Variants in DLG2 observed in about 807,000 individuals in gnomAD.
The protein encoded by DLG2 is discs large MAGUK scaffold protein 2.
DLG2 carries 45 observed loss-of-function variants against 132.5 expected under a neutral mutation model. That is an observed-to-expected ratio of 0.34 (90% CI 0.27 to 0.44). The LOEUF (loss-of-function observed/expected upper bound fraction) is 0.44, where lower values mean the gene tolerates loss of function less well. Among genes scored for constraint, DLG2 ranks in the 20% least tolerant of loss-of-function variants. The probability of loss-of-function intolerance (pLI) is 1.00; values close to 1 mark genes in which losing one functional copy is unlikely to be tolerated. For missense variants in DLG2, 1,045 were observed against 1,196.9 expected (o/e 0.87, Z 1.87); for synonymous variants, 424 against 419.6 (o/e 1.01, Z -0.13).
At chr11:83,542,573 G>A (rs1419816841) in intron 19 of DLG2, among the ~76,000 whole-genome samples, 1 of 152,294 alleles carries the variant, frequency 6.6e-6, no homozygotes, top group East Asian at 1.9e-4. Flanking sequence ...GCACTTATCT[G>A]TGAATTACAA....
At chr11:85,156,796 T>G (rs2077619771) in intron 4 of DLG2, among the ~76,000 whole-genome samples, 1 of 152,188 alleles carries the variant, frequency 6.6e-6, no homozygotes, top group Admixed American at 6.6e-5. Context: ...GCTACCTGGT[T>G]GTCCTAAGGT....
intron 15 of DLG2, among the ~76,000 whole-genome samples, chr11:83,926,101 A>G (rs1398502671): frequency 1.3e-5 from 2 of 151,032 alleles, no homozygotes; most frequent in Non-Finnish European, 2.9e-5. Flanking sequence ...AAAACTAACA[A>G]CTTCTCTGTT....
chr11:85,093,120 T>G (rs2069089370), intron 6 of DLG2, among the ~76,000 whole-genome samples: 1 of 152,146 alleles, frequency 6.6e-6, no homozygotes. Context: ...TGTTCAAGGG[T>G]CAACTGCAAC....
At chr11:84,510,094 C>CTGA (rs1554982197) in intron 7 of DLG2, among the ~76,000 whole-genome samples, 1 of 146,566 alleles carries the variant, frequency 6.8e-6, no homozygotes, top group African/African-American at 2.5e-5. Flanking sequence ...TAAGAGTTCA[C>CTGA]TTATTATTAT....
intron 6 of DLG2, among the ~76,000 whole-genome samples, chr11:84,578,627 A>G (rs1309723670): frequency 6.6e-6 from 1 of 152,174 alleles, no homozygotes; most frequent in Non-Finnish European, 1.5e-5. Flanking sequence ...CATTGTGTCT[A>G]GGAACTAACT....
At chr11:84,956,694 A>G (rs1484024857) in intron 6 of DLG2, among the ~76,000 whole-genome samples, 10 of 152,198 alleles carry the variant, frequency 6.6e-5, no homozygotes, top group Non-Finnish European at 1.0e-4. Flanking sequence ...AACTCAGAGA[A>G]TCACAAAACC....
intron 3 of DLG2, among the ~76,000 whole-genome samples, chr11:85,423,568 G>A (rs751055673): frequency 6.6e-6 from 1 of 152,120 alleles, no homozygotes; most frequent in Non-Finnish European, 1.5e-5. Flanking sequence ...GGCTAGGTGT[G>A]TCTGAGCTCA....
At chr11:85,183,320 A>T (rs933342988) in intron 4 of DLG2, among the ~76,000 whole-genome samples, 1 of 151,852 alleles carries the variant, frequency 6.6e-6, no homozygotes, top group Non-Finnish European at 1.5e-5. Context: ...TAACAACACC[A>T]TCAGCACAAC....
intron 7 of DLG2, among the ~76,000 whole-genome samples, chr11:84,303,963 C>T (rs1486848098): frequency 2.0e-5 from 3 of 152,142 alleles, no homozygotes; most frequent in Non-Finnish European, 4.4e-5. Context: ...TATTAACTTA[C>T]TGTTACGTGC....
chr11:85,189,505 T>C (rs561346012), intron 4 of DLG2, among the ~76,000 whole-genome samples: 34 of 152,306 alleles, frequency 2.2e-4, no homozygotes, highest in Non-Finnish European at 4.1e-4. Context: ...AAAGATTATA[T>C]AGTGTATGCT....
chr11:84,960,749 T>C (rs79824654), intron 6 of DLG2, among the ~76,000 whole-genome samples: 2,123 of 152,290 alleles, frequency 0.014, 49 homozygotes, highest in African/African-American at 0.047. Flanking sequence ...TCCATTATCT[T>C]TTCTTTTCAC....
chr11:84,208,341 CTTTT>C (rs775828270), intron 8 of DLG2, among the ~76,000 whole-genome samples: 2 of 122,780 alleles, frequency 1.6e-5, no homozygotes, highest in African/African-American at 3.2e-5. Flanking sequence ...TCAGAATAAA[CTTTT>C]TTTTTTTTTT....
chr11:85,043,730 AAATCTAACTTTC>A, intron 6 of DLG2, among the ~76,000 whole-genome samples: 1 of 151,926 alleles, frequency 6.6e-6, no homozygotes, highest in African/African-American at 2.4e-5. Context: ...ATAACTTTTA[AAATCTAACTTTC>A]TATTAGCTCT....
At chr11:84,651,618 C>A (rs945141175) in intron 6 of DLG2, among the ~76,000 whole-genome samples, 2 of 152,116 alleles carry the variant, frequency 1.3e-5, no homozygotes, top group African/African-American at 4.8e-5. Flanking sequence ...CAGGTGAAGC[C>A]ATTGGTATTG....
chr11:83,909,536 G>A (rs34747433), intron 15 of DLG2, among the ~76,000 whole-genome samples: 30,485 of 152,120 alleles, frequency 0.2, 3,346 homozygotes, highest in Non-Finnish European at 0.26. Context: ...GGGAAAAGCC[G>A]TAAGGTCATA....
At chr11:84,879,854 C>T (rs1413923359) in intron 6 of DLG2, among the ~76,000 whole-genome samples, 1 of 152,110 alleles carries the variant, frequency 6.6e-6, no homozygotes, top group Non-Finnish European at 1.5e-5. Flanking sequence ...CTCCGCTAAT[C>T]CCAACTTCTT....
chr11:83,466,430 G>A (rs565245580), intron 26 of DLG2, among the ~76,000 whole-genome samples: 35 of 152,062 alleles, frequency 2.3e-4, no homozygotes, highest in Middle Eastern at 3.4e-3. Flanking sequence ...AAAACAATCC[G>A]TGAAGTAAAA....
chr11:83,640,481 G>A (rs2066191002), intron 18 of DLG2, among the ~76,000 whole-genome samples: 1 of 152,134 alleles, frequency 6.6e-6, no homozygotes, highest in South Asian at 2.1e-4. Context: ...ACTGCTCCAG[G>A]GATGAGATGC....
chr11:84,412,990 T>G (rs1486816581), intron 7 of DLG2, among the ~76,000 whole-genome samples: 4 of 152,232 alleles, frequency 2.6e-5, no homozygotes, highest in Non-Finnish European at 5.9e-5. Context: ...TTATAATATA[T>G]TTCTTAGTAT....
Sources: gnomAD v4.1 joint callset for allele counts (sites outside exome capture counted in the v4.1 genomes callset) on GRCh38, gnomAD v4.1.1 for gene constraint, MANE v1.5 for transcripts, NCBI Gene and HGNC (gene_info 2026-07-23, HGNC 2026-07-21) for gene names.